SLC29A3: variants seen among roughly 807,000 people sequenced by gnomAD.
SLC29A3 encodes equilibrative nucleoside transporter 3.
SLC29A3 carries 18 observed loss-of-function variants against 25.4 expected under a neutral mutation model. The observed-to-expected ratio is 0.71, with a 90% CI of 0.49 to 1.05. The LOEUF is 1.05. Among genes scored for constraint, SLC29A3 ranks in the 50% least tolerant of loss-of-function variants. The pLI, the probability that SLC29A3 is intolerant of heterozygous loss-of-function variation, is 0.00. For missense variants in SLC29A3, 586 were observed against 609.0 expected, an observed-to-expected ratio of 0.96 and a Z score of 0.40; for synonymous variants, 258 against 267.1, an observed-to-expected ratio of 0.97 and a Z score of 0.33.
At chr10:71,324,459 G>C (rs1379771965) in intron 2 of SLC29A3, among the ~76,000 whole-genome samples, 1 of 152,142 alleles carries the variant, frequency 6.6e-6, no homozygotes, top group Non-Finnish European at 1.5e-5. Context: ...GGGGTGAGGC[G>C]CTTGATCAGA....
chr10:71,329,256 T>C (rs1846062007), intron 2 of SLC29A3, among the ~76,000 whole-genome samples: 2 of 152,112 alleles, frequency 1.3e-5, no homozygotes, highest in South Asian at 2.1e-4. Flanking sequence ...GCTATCTGTC[T>C]ACCTTGGCAC....
At chr10:71,348,019 G>A (rs1277961048) in intron 3 of SLC29A3, among the ~76,000 whole-genome samples, 5 of 152,214 alleles carry the variant, frequency 3.3e-5, no homozygotes, top group South Asian at 2.1e-4. Flanking sequence ...CGAGGCTGGC[G>A]GATGCTTCCA....
chr10:71,357,434 A>G (rs775021399), intron 5 of SLC29A3, among the ~76,000 whole-genome samples: 1 of 151,972 alleles, frequency 6.6e-6, no homozygotes, highest in Non-Finnish European at 1.5e-5. Context: ...AAGCTTGTAT[A>G]GAGACAGAGT....
At chr10:71,346,463 C>T (rs1846584582) in intron 3 of SLC29A3, among the ~76,000 whole-genome samples, 1 of 152,068 alleles carries the variant, frequency 6.6e-6, no homozygotes, top group Non-Finnish European at 1.5e-5. Context: ...CTTTGGGAGG[C>T]CAAGTCAGGA....
chr10:71,378,153 T>C (rs185533141), intron 4 of SLC29A3, among the ~76,000 whole-genome samples: 9 of 151,646 alleles, frequency 5.9e-5, no homozygotes, highest in Admixed American at 3.9e-4. Flanking sequence ...TAAAGTTAGG[T>C]ACAAAAATGA....
exon 5 of SLC29A3, chr10:71,380,182 T>C (rs1847291962): frequency 6.6e-6 from 1 of 152,192 alleles, no homozygotes; most frequent in South Asian, 2.1e-4. Context: ...CCCACGGCTT[T>C]TACACTTAAG....
chr10:71,337,220 C>T (rs79567336), intron 2 of SLC29A3, among the ~76,000 whole-genome samples: 1 of 152,328 alleles, frequency 6.6e-6, no homozygotes, highest in African/African-American at 2.4e-5. Flanking sequence ...CTTTCCTGAG[C>T]CAGTGCTCCA....
intron 4 of SLC29A3, among the ~76,000 whole-genome samples, chr10:71,379,399 C>T (rs1167600027): frequency 1.3e-5 from 2 of 152,228 alleles, no homozygotes; most frequent in Non-Finnish European, 2.9e-5. Flanking sequence ...AAAGAGGTAA[C>T]AGCCAATGTC....
At chr10:71,338,300 G>T (rs985951959) in intron 2 of SLC29A3, among the ~76,000 whole-genome samples, 3 of 152,364 alleles carry the variant, frequency 2.0e-5, no homozygotes, top group East Asian at 1.9e-4. Flanking sequence ...ACTGACAGAG[G>T]TGGGGGCTTT....
intron 4 of SLC29A3, among the ~76,000 whole-genome samples, chr10:71,376,012 G>A (rs1358524830): frequency 6.6e-6 from 1 of 152,110 alleles, no homozygotes; most frequent in Non-Finnish European, 1.5e-5. Flanking sequence ...AACTAGAAGA[G>A]GGGGAAGAAG....
chr10:71,330,621 C>A (rs1846095680), intron 2 of SLC29A3, among the ~76,000 whole-genome samples: 1 of 152,228 alleles, frequency 6.6e-6, no homozygotes, highest in Non-Finnish European at 1.5e-5. Flanking sequence ...ACAGACCCAC[C>A]TGGCAGCATT....
chr10:71,355,929 G>A, intron 4 of SLC29A3, 152 bp from the exon 5 acceptor site: 2 of 829,450 alleles, frequency 2.4e-6, no homozygotes, highest in Non-Finnish European at 3.9e-6. Flanking sequence ...GGCCCTCCCT[G>A]TCTCTGAGGC....
chr10:71,362,411 TC>T lies in SLC29A3; in HGVS notation c.1233del (p.Asp412MetfsTer41). 1 of 1,614,196 alleles carries T rather than the reference TC, an allele frequency of 6.2e-7. No individual in the cohort carries two copies. The highest frequency in any genetic ancestry group is 8.5e-7 in the Non-Finnish European group (1 of 1,180,046). On this transcript the variant is annotated frameshift_variant, in exon 6 of 6. Coordinates refer to ENST00000373189, the MANE Select transcript of SLC29A3 (RefSeq NM_018344.6). LOFTEE classifies it high-confidence loss of function. ...RVHLKTVVFQ[S>X]DVYPALLSSL... ...CCACCTGAAGACTGTGGTCTTCCAGTCCGATGTGTACCCCGCACTCCTCAGC... is the reference window on the plus strand; with the variant it reads ...CCACCTGAAGACTGTGGTCTTCCAGTCGATGTGTACCCCGCACTCCTCAGC...
Position 71,351,739 on chromosome 10 carries a change from C to T in SLC29A3, c.561C>T (p.Tyr187=), listed in dbSNP as rs773321774. The T allele has an allele frequency of 5.6e-5, 90 of 1,613,950 alleles. No individual in the cohort carries two copies. The highest frequency in any genetic ancestry group is 7.1e-5 in the Non-Finnish European group (84 of 1,180,034). ...CCACTGTCTTCAGCAGCAGCATCTA[C>T]GGCATGACCGGCTCCTTTCCTATGA... ...GASTVFSSSI[Y]GMTGSFPMRN... Residue 187 remains tyrosine, a synonymous_variant, in exon 4 of 6, where the codon TAC becomes TAT. Coordinates refer to ENST00000373189, the MANE Select transcript of SLC29A3 (RefSeq NM_018344.6).
chr10:71,336,067 G>A (rs1431011020), intron 2 of SLC29A3, among the ~76,000 whole-genome samples: 1 of 152,212 alleles, frequency 6.6e-6, no homozygotes, highest in East Asian at 1.9e-4. Flanking sequence ...AAACTGGGTA[G>A]CTGAAAAGCA....
intron 3 of SLC29A3, among the ~76,000 whole-genome samples, chr10:71,345,340 C>G (rs2250002): frequency 0.68 from 103,713 of 152,048 alleles, 36,296 homozygotes; most frequent in Non-Finnish European, 0.76. Flanking sequence ...GCTGGAGCTG[C>G]AGCCATTCAT....
intron 3 of SLC29A3, among the ~76,000 whole-genome samples, chr10:71,350,634 G>C (rs1564537501): frequency 6.6e-6 from 1 of 152,314 alleles, no homozygotes; most frequent in East Asian, 1.9e-4. Context: ...CATGGTGCTG[G>C]GGAGTGTGGG....
intron 3 of SLC29A3, among the ~76,000 whole-genome samples, chr10:71,347,645 G>A (rs942743387): frequency 4.6e-5 from 7 of 152,192 alleles, no homozygotes; most frequent in Admixed American, 3.9e-4. Context: ...TAGAGCCCAC[G>A]GATGGAGGCT....
At chr10:71,333,706 C>T (rs527308952) in intron 2 of SLC29A3, among the ~76,000 whole-genome samples, 1 of 152,250 alleles carries the variant, frequency 6.6e-6, no homozygotes, top group African/African-American at 2.4e-5. Flanking sequence ...TCTTGAAAGG[C>T]CTTCTTCCTC....
Sources: gnomAD v4.1 joint callset for allele counts (sites outside exome capture counted in the v4.1 genomes callset) on GRCh38, gnomAD v4.1.1 for gene constraint, MANE v1.5 for transcripts, NCBI Gene and HGNC (gene_info 2026-07-23, HGNC 2026-07-21) for gene names.